SDK1: variants seen among roughly 807,000 people sequenced by gnomAD.
SDK1 encodes protein sidekick-1.
A neutral mutation model predicts 245.5 loss-of-function variants in SDK1; 157 were observed. That is an observed-to-expected ratio of 0.64 (90% confidence interval 0.56 to 0.73). The LOEUF (loss-of-function observed/expected upper bound fraction) is 0.73. SDK1 is among the 30% of genes least tolerant of loss of function. The probability of loss-of-function intolerance (pLI) is 0.00; values close to 1 mark genes in which losing one functional copy is unlikely to be tolerated. For synonymous variants in SDK1, 1,647 were observed against 1,278.5 expected (o/e 1.29, Z -6.15); for missense variants, 3,583 against 3,002.3 (o/e 1.19, Z -4.52).
intron 4 of SDK1, chr7:3,643,667 G>C (rs1782726523): frequency 7.4e-6 from 1 of 134,556 alleles, no homozygotes; most frequent in South Asian, 2.6e-4. Flanking sequence ...CCCCACCTGA[G>C]CATCTGTGGA....
intron 35 of SDK1, among the ~76,000 whole-genome samples, chr7:4,191,670 C>G (rs1783214892): frequency 1.3e-5 from 2 of 152,254 alleles, no homozygotes; most frequent in African/African-American, 2.4e-5. Context: ...GAGGGAGGAT[C>G]ACCGGCCTGG....
rs988978035 is a variant in SDK1, at chr7:3,467,944, A to G, written c.299-151136A>G. Among the ~76,000 whole-genome samples, 5 of 151,354 alleles carry G rather than the reference A, an allele frequency of 3.3e-5. No homozygotes were observed. In the Admixed American group the frequency reaches 3.3e-4, roughly 10 times the overall value. ...TATTAGGTTTTCTGGCTTTCTAATT[A>G]TCATATATAGGTGATGTAATCATTG... is the stretch of plus-strand genomic sequence containing the variant. On this transcript the variant is annotated intron_variant, in intron 1 of 44. Coordinates refer to ENST00000404826, the MANE Select transcript of SDK1 (RefSeq NM_152744.4).
At chr7:3,461,643 G>A (rs534549158) in intron 1 of SDK1, among the ~76,000 whole-genome samples, 1 of 152,270 alleles carries the variant, frequency 6.6e-6, no homozygotes, top group East Asian at 1.9e-4. Flanking sequence ...TTCCTTTTCA[G>A]ATCAAAACTT....
chr7:3,462,356 A>G (rs1232627552), intron 1 of SDK1, among the ~76,000 whole-genome samples: 6 of 152,120 alleles, frequency 3.9e-5, no homozygotes, highest in African/African-American at 1.2e-4. Flanking sequence ...GAGGTTGAGT[A>G]TCATTATAAT....
chr7:3,609,212 A>C (rs534380711), intron 1 of SDK1, among the ~76,000 whole-genome samples: 1 of 152,334 alleles, frequency 6.6e-6, no homozygotes, highest in South Asian at 2.1e-4. Context: ...AATAAGTCAC[A>C]TAAACAAGAA....
intron 1 of SDK1, among the ~76,000 whole-genome samples, chr7:3,339,707 T>C (rs1780295875): frequency 1.3e-5 from 2 of 152,220 alleles, no homozygotes; most frequent in Admixed American, 1.3e-4. Context: ...TGTTATTAAA[T>C]ATGTGGGATG....
intron 5 of SDK1, among the ~76,000 whole-genome samples, chr7:3,824,427 C>T (rs1037934130): frequency 1.3e-5 from 2 of 152,156 alleles, no homozygotes; most frequent in African/African-American, 4.8e-5. Context: ...ATGTAGTGAA[C>T]ACCATCGGGA....
chr7:4,093,949 A>G (rs886607941), intron 22 of SDK1, among the ~76,000 whole-genome samples: 26 of 152,274 alleles, frequency 1.7e-4, no homozygotes, highest in South Asian at 8.3e-4. Flanking sequence ...CCTGGGGAAA[A>G]TGTCGTCTCA....
chr7:3,747,988 A>G (rs1562414328), intron 4 of SDK1, among the ~76,000 whole-genome samples: 1 of 152,200 alleles, frequency 6.6e-6, no homozygotes, highest in Non-Finnish European at 1.5e-5. Flanking sequence ...AGATTTAGTA[A>G]TACAATTATA....
Position 3,884,036 on chromosome 7 carries a change from G to A in SDK1, c.847+62453G>A, listed in dbSNP as rs1781273161. Reference sequence around the variant, plus strand: ...AACTTTACACAATGTCATTCTAAGTGATTGGTTTTTTGTTTGTTTGTTTGT... The same window carrying A: ...AACTTTACACAATGTCATTCTAAGTAATTGGTTTTTTGTTTGTTTGTTTGT... On this transcript the variant is annotated intron_variant, in intron 5 of 44. Coordinates refer to ENST00000404826, the MANE Select transcript of SDK1 (RefSeq NM_152744.4). 3.3e-5 allele frequency among the ~76,000 whole-genome samples: 5 copies of A among 151,124 alleles called. No homozygotes were observed. In the South Asian group the frequency reaches 1.1e-3, roughly 32 times the overall value.
At chr7:3,627,223 C>G (rs1047528813) in intron 2 of SDK1, among the ~76,000 whole-genome samples, 2 of 152,158 alleles carry the variant, frequency 1.3e-5, no homozygotes, top group Non-Finnish European at 2.9e-5. Flanking sequence ...GCTGCCATGT[C>G]CAGCCAACAC....
Position 3,859,951 on chromosome 7 carries a change from A to G in SDK1, c.847+38368A>G, listed in dbSNP as rs964103850. On this transcript the variant is annotated intron_variant, in intron 5 of 44. Coordinates refer to ENST00000404826, the MANE Select transcript of SDK1 (RefSeq NM_152744.4). The stretch of plus-strand genomic sequence containing the variant: ...TTTTTTTTTTTTGAGACGGAGTCTT[A>G]CTCTGTCGCCCAGGCTAGAGTGCAG... Among the ~76,000 whole-genome samples, 16 of 151,152 alleles carry G rather than the reference A, an allele frequency of 1.1e-4. 2 individuals carry two copies. In the South Asian group the frequency reaches 3.1e-3, roughly 30 times the overall value.
intron 1 of SDK1, chr7:3,338,670 G>T: frequency 5.6e-6 from 1 of 177,542 alleles, no homozygotes; most frequent in Non-Finnish European, 1.2e-5. Context: ...TCTGGACTGT[G>T]TTTAAAGAAA....
rs191520410 is a variant in SDK1 at position 3,740,271 on chromosome 7, C to T, written c.714-81179C>T. On this transcript the variant is annotated intron_variant, in intron 4 of 44. Transcript: ENST00000404826. ...AGCCTTTTCCAGTGCTTTTTCTGGA[C>T]ATGTGCTTAGCCCTGTACATGTGTG... Among the ~76,000 whole-genome samples, 142 of 152,306 alleles carry T rather than the reference C, an allele frequency of 9.3e-4. 1 individual carries two copies. Among genetic ancestry groups the T allele is most frequent in the African/African-American group, 3.3e-3 (139 of 41,570 alleles).
At position 3,377,182 on chromosome 7, in the gene SDK1, C is replaced by T. The variant is rs1003807843; in HGVS notation, c.298+75298C>T. 1.2e-4 allele frequency among the ~76,000 whole-genome samples: 19 copies of T among 152,150 alleles called. 1 individual carries two copies. The highest frequency in any genetic ancestry group is 4.6e-4 in the African/African-American group (19 of 41,412). On this transcript the variant is annotated intron_variant, in intron 1 of 44. Transcript: ENST00000404826. ...AGGATATGAATTAGAGTTTTAAAAA[C>T]TTGCCTTAGACACGTTGATTGTGGC...
intron 38 of SDK1, among the ~76,000 whole-genome samples, chr7:4,215,401 G>A (rs948850997): frequency 4.6e-5 from 7 of 152,238 alleles, no homozygotes; most frequent in Admixed American, 1.3e-4. Flanking sequence ...CAGCCAGCGG[G>A]ACAATAGCTG....
chr7:3,526,754 C>T (rs994548682), intron 1 of SDK1, among the ~76,000 whole-genome samples: 1 of 152,022 alleles, frequency 6.6e-6, no homozygotes, highest in Non-Finnish European at 1.5e-5. Context: ...TTCACAGCTG[C>T]GAAGAGCCAT....
intron 1 of SDK1, among the ~76,000 whole-genome samples, chr7:3,608,608 C>G (rs1004641082): frequency 6.6e-6 from 1 of 151,784 alleles, no homozygotes; most frequent in African/African-American, 2.4e-5. Context: ...AGATAGGTAG[C>G]TGTGTTAATT....
intron 4 of SDK1, among the ~76,000 whole-genome samples, chr7:3,713,719 A>T (rs892689100): frequency 6.6e-6 from 1 of 152,238 alleles, no homozygotes; most frequent in African/African-American, 2.4e-5. Context: ...TAGAGATTTC[A>T]TGTGGAGAAT....
Sources: allele counts gnomAD v4.1 joint callset (sites outside exome capture counted in the v4.1 genomes callset), GRCh38; gene constraint gnomAD v4.1.1; transcripts MANE v1.5; gene names NCBI Gene and HGNC (gene_info 2026-07-23, HGNC 2026-07-21).